The following PCNT variants were observed in gnomAD, a reference collection of about 807,000 sequenced individuals.
The protein encoded by PCNT is kendrin.
Under a neutral mutation model 380.4 loss-of-function variants are expected in PCNT, and 319 were observed. The observed-to-expected ratio is 0.84, with a 90% CI of 0.77 to 0.92. The LOEUF is 0.92. Among genes scored for constraint, PCNT ranks in the 40% least tolerant of loss-of-function variants. The probability of loss-of-function intolerance (pLI) is 0.00; values close to 1 mark genes in which losing one functional copy is unlikely to be tolerated. For missense variants in PCNT, 4,400 were observed against 4,255.3 expected (o/e 1.03, Z -0.95); for synonymous variants, 1,845 against 1,735.2 (o/e 1.06, Z -1.57).
rs180760412 is a variant in PCNT, at chr21:46,444,159, G to A, written c.9839+211G>A. On this transcript the variant is annotated intron_variant, in intron 45 of 46. Coordinates refer to ENST00000359568, the MANE Select transcript of PCNT (RefSeq NM_006031.6). ...TGGTGTCTCTGGTGCCCGAGAGCCC[G>A]GTGCTGCCATCTTTAGTGAAAGAGT... 4.6e-3 allele frequency among the ~76,000 whole-genome samples: 708 copies of A among 152,322 alleles called. 4 individuals carry two copies. Among genetic ancestry groups the A allele is most frequent in the Non-Finnish European group, 7.4e-3 (505 of 68,028 alleles).
chr21:46,413,655 C>T (rs1045927400), intron 29 of PCNT, among the ~76,000 whole-genome samples: 2 of 152,222 alleles, frequency 1.3e-5, no homozygotes, highest in East Asian at 1.9e-4. Flanking sequence ...CATGGGAGGA[C>T]CACATCGCCC....
chr21:46,406,573 T>C (rs904207163), intron 27 of PCNT, among the ~76,000 whole-genome samples: 1 of 152,234 alleles, frequency 6.6e-6, no homozygotes, highest in African/African-American at 2.4e-5. Flanking sequence ...GACAGTTTTA[T>C]TTCTTTCCAA....
intron 14 of PCNT, among the ~76,000 whole-genome samples, 165 bp downstream of exon 14, chr21:46,364,099 G>A (rs1217575948): frequency 2.0e-5 from 3 of 152,242 alleles, no homozygotes; most frequent in Non-Finnish European, 2.9e-5. Context: ...CCTAATTGCA[G>A]TGGGACAGCT....
chr21:46,334,772 T>C lies in PCNT; in HGVS notation c.639+4T>C, dbSNP rs2083679481. 1.9e-6 allele frequency: 3 copies of C among 1,613,918 alleles called. No homozygotes were observed. Among genetic ancestry groups the C allele is most frequent in the Non-Finnish European group, 2.5e-6 (3 of 1,179,844 alleles). ...ACAGCGTGGGATGTTCACAAAGGTA[T>C]TCTTTAAGTTCTCTGTTAAGGTGTA... On this transcript the variant is annotated splice_donor_region_variant and intron_variant, in intron 3 of 46. Transcript: ENST00000359568.
In PCNT at chr21:46,418,199, A is replaced by C. The variant is rs1222037138; in HGVS notation, c.6922-5A>C. The C allele has an allele frequency of 6.6e-7, 1 of 1,504,250 alleles. No homozygotes were observed. Among genetic ancestry groups the C allele is most frequent in the Admixed American group, 1.7e-5 (1 of 57,206 alleles). 93.2% of individuals were successfully genotyped at this position (1,504,250 alleles called of 1,614,324 possible). A position where few individuals can be genotyped will look rare whatever the true frequency, so the allele number is the denominator to read the frequency against. On this transcript the variant is annotated splice_region_variant and splice_polypyrimidine_tract_variant and intron_variant, in intron 30 of 46. Coordinates refer to ENST00000359568, the MANE Select transcript of PCNT (RefSeq NM_006031.6). ...TTTTATGACCATTTAAAAATCTCTTAACAGGAGAAAGATGTCGAAGATTTT... is the reference window on the plus strand; with the variant it reads ...TTTTATGACCATTTAAAAATCTCTTCACAGGAGAAAGATGTCGAAGATTTT...
At chr21:46,428,340 CG>C in intron 34 of PCNT, 54 bp from the exon 35 acceptor site, 2 of 1,532,008 alleles carry the variant, frequency 1.3e-6, no homozygotes, top group Non-Finnish European at 1.8e-6. Flanking sequence ...CAGGGAAGGC[CG>C]GGGCATGGGG....
rs138695017 is a variant in PCNT at position 46,393,920 on chromosome 21, A to G, written c.4216+2544A>G. ...CCCAGGATTGAAGCTGAGGCTTACC[A>G]TGGGCCTTGCAGTGGCAGGCGCCTG... On this transcript the variant is annotated intron_variant, in intron 21 of 46. Transcript: ENST00000359568. Among the ~76,000 whole-genome samples the G allele has an allele frequency of 6.5e-4, 99 of 152,242 alleles. 1 individual carries two copies. Among genetic ancestry groups the G allele is most frequent in the Non-Finnish European group, 1.2e-3 (83 of 68,006 alleles).
chr21:46,344,366 G>A (rs2083999488), intron 3 of PCNT, among the ~76,000 whole-genome samples: 2 of 152,160 alleles, frequency 1.3e-5, no homozygotes, highest in African/African-American at 2.4e-5. Flanking sequence ...GAACCACCGC[G>A]CCCGGCCCGA....
chr21:46,435,180 G>T (rs1002670123), intron 38 of PCNT, among the ~76,000 whole-genome samples: 10 of 152,152 alleles, frequency 6.6e-5, no homozygotes, highest in Non-Finnish European at 1.5e-4. Context: ...CTGTAACGCG[G>T]CTGTGTGTTT....
chr21:46,373,749 T>TTTTTTTG (rs374962143), intron 15 of PCNT, among the ~76,000 whole-genome samples: 1 of 81,194 alleles, frequency 1.2e-5, no homozygotes, highest in Non-Finnish European at 2.3e-5. Context: ...TTTTTTTTTT[T>TTTTTTTG]GGGCGGAGTC....
At chr21:46,389,149 G>T (rs776535280) in intron 18 of PCNT, 50 bp from the exon 19 acceptor site, 3 of 1,566,570 alleles carry the variant, frequency 1.9e-6, no homozygotes, top group African/African-American at 1.3e-5. Context: ...CCATGGCCGC[G>T]GCCGGCTTGC....
intron 5 of PCNT, 31 bp downstream of exon 5, chr21:46,347,029 G>T: frequency 2.5e-6 from 4 of 1,580,992 alleles, no homozygotes; most frequent in Non-Finnish European, 3.4e-6. Context: ...CACGGGCAGC[G>T]TGTGGGCTCG....
At chr21:46,430,887 C>T (rs2087730119) in intron 37 of PCNT, 1 of 985,034 alleles carries the variant, frequency 1.0e-6, no homozygotes, top group Admixed American at 6.2e-5. Context: ...GATACCCCTG[C>T]TCGGAGCCCC....
At chr21:46,390,501 T>C (rs924755180) in intron 19 of PCNT, among the ~76,000 whole-genome samples, 169 bp from the exon 20 acceptor site, 2 of 151,680 alleles carry the variant, frequency 1.3e-5, no homozygotes, top group Non-Finnish European at 2.9e-5. Context: ...GTGGCCACAG[T>C]GTCTCGGAGG....
intron 13 of PCNT, among the ~76,000 whole-genome samples, chr21:46,363,082 A>G (rs2084776440): frequency 1.3e-5 from 2 of 152,158 alleles, no homozygotes; most frequent in African/African-American, 4.8e-5. Context: ...GCCCAGCGCT[A>G]TCTGTGGGGC....
intron 9 of PCNT, among the ~76,000 whole-genome samples, chr21:46,352,070 G>C (rs1177960463): frequency 6.6e-6 from 1 of 152,248 alleles, no homozygotes; most frequent in Non-Finnish European, 1.5e-5. Context: ...TTGTGCAGCA[G>C]GCTTGGATGG....
chr21:46,398,311 C>T lies in PCNT; in HGVS notation c.4584+56C>T, dbSNP rs564724174. The stretch of plus-strand genomic sequence containing the variant: ...CTGCGCTGGCGCCCAGGCTCCCCTG[C>T]GCTCGCTGGGACTGTCCTGCCACCC... On this transcript the variant is annotated intron_variant, in intron 24 of 46. Coordinates refer to ENST00000359568, the MANE Select transcript of PCNT (RefSeq NM_006031.6). The T allele has an allele frequency of 5.3e-5, 82 of 1,533,340 alleles. 1 individual carries two copies. In the South Asian group the frequency reaches 5.8e-4, roughly 11 times the overall value. 95.0% of individuals were successfully genotyped at this position (1,533,340 alleles called of 1,614,324 possible).
At chr21:46,392,225 T>G (rs1286666673) in intron 21 of PCNT, among the ~76,000 whole-genome samples, 2 of 152,132 alleles carry the variant, frequency 1.3e-5, no homozygotes, top group Non-Finnish European at 2.9e-5. Flanking sequence ...TTTGTTTTTG[T>G]TTTTGTTTTT....
chr21:46,351,257 C>T lies in PCNT; in HGVS notation c.1345-172C>T, dbSNP rs58154505. On this transcript the variant is annotated intron_variant, in intron 8 of 46. Coordinates refer to ENST00000359568, the MANE Select transcript of PCNT (RefSeq NM_006031.6). Reference sequence around the variant, plus strand: ...CAGCGCTGACCGATCCCTCTTGTCACGGACAGAGCTCTCTCGGTCTCTGCT... The same window carrying T: ...CAGCGCTGACCGATCCCTCTTGTCATGGACAGAGCTCTCTCGGTCTCTGCT... Among the ~76,000 whole-genome samples the T allele has an allele frequency of 0.015, 2,236 of 152,254 alleles. 49 individuals are homozygous for T. Among genetic ancestry groups the T allele is most frequent in the African/African-American group, 0.051 (2,099 of 41,522 alleles).
Sources: gnomAD v4.1 joint callset for allele counts (sites outside exome capture counted in the v4.1 genomes callset) on GRCh38, gnomAD v4.1.1 for gene constraint, MANE v1.5 for transcripts, NCBI Gene and HGNC (gene_info 2026-07-23, HGNC 2026-07-21) for gene names.